CTIF: variants seen among roughly 807,000 people sequenced by gnomAD.
The protein encoded by CTIF is CBP80/20-dependent translation initiation factor.
A neutral mutation model predicts 66.0 loss-of-function variants in CTIF; 21 were observed. That is an observed-to-expected ratio of 0.32 (90% CI 0.23 to 0.46). The LOEUF (loss-of-function observed/expected upper bound fraction) is 0.46. CTIF is among the 20% of genes least tolerant of loss of function. The probability of loss-of-function intolerance (pLI) is 1.00; values close to 1 mark genes in which losing one functional copy is unlikely to be tolerated. For synonymous variants in CTIF, 345 were observed against 326.4 expected (o/e 1.06, Z -0.62); for missense variants, 739 against 812.7 (o/e 0.91, Z 1.10).
rs879275559 is a variant in CTIF at position 48,862,019 on chromosome 18, C to A, written c.*2460C>A. ...TTTTTCTAAATGCAGGTTGCTGCTC[C>A]TTTTTCAGATATGGAAGGAAAACGT... On this transcript the variant is annotated 3_prime_UTR_variant, in exon 12 of 12. Transcript: ENST00000256413. The A allele has an allele frequency of 1.1e-4, 17 of 152,004 alleles. No individual in the cohort carries two copies. Among genetic ancestry groups the A allele is most frequent in the Admixed American group, 1.1e-3 (17 of 15,270 alleles). The allele number at this position is 152,004 out of a possible 1,614,324, so 9.4% of individuals were successfully genotyped here. A position where few individuals can be genotyped will look rare whatever the true frequency, so the allele number is the denominator to read the frequency against.
intron 7 of CTIF, among the ~76,000 whole-genome samples, chr18:48,719,031 C>T (rs2092308524): frequency 6.6e-6 from 1 of 152,190 alleles, no homozygotes. Flanking sequence ...GGTCTGCTTT[C>T]TTTTTGCCAC....
At chr18:48,574,388 T>A (rs1186717707) in intron 1 of CTIF, among the ~76,000 whole-genome samples, 1 of 152,244 alleles carries the variant, frequency 6.6e-6, no homozygotes, top group East Asian at 1.9e-4. Context: ...TAAAAACGAG[T>A]GCATAATATT....
At chr18:48,698,716 C>G (rs920883524) in intron 6 of CTIF, among the ~76,000 whole-genome samples, 7 of 152,196 alleles carry the variant, frequency 4.6e-5, no homozygotes, top group Non-Finnish European at 7.3e-5. Flanking sequence ...TCACCTGTCC[C>G]TTTCTTAGGG....
At chr18:48,609,064 CTGG>C (rs1443841734) in intron 1 of CTIF, among the ~76,000 whole-genome samples, 1 of 152,194 alleles carries the variant, frequency 6.6e-6, no homozygotes, top group Non-Finnish European at 1.5e-5. Context: ...CTTTTGACAG[CTGG>C]TGGTGGGGCT....
In CTIF at chr18:48,859,476, G is replaced by A. The variant is rs1282053607; in HGVS notation, c.1714G>A (p.Glu572Lys). The change falls in exon 12 of 12, where the codon GAG becomes AAG. Residue 572 changes from glutamate (E) to lysine (K), a missense_variant. Transcript: ENST00000256413. Reference sequence around the variant, plus strand: ...CCGGTCGCTGCTCCTAGAGGTCATCGAGCTCCACGCTAACAGCTGGAACCC... The same window carrying A: ...CCGGTCGCTGCTCCTAGAGGTCATCAAGCTCCACGCTAACAGCTGGAACCC... ...LTRSLLLEVIELHANSWNPLT... is the reference protein window; with the variant it reads ...LTRSLLLEVIKLHANSWNPLT... 2 of 1,614,036 alleles carry A rather than the reference G, an allele frequency of 1.2e-6. No homozygotes were observed. The highest frequency in any genetic ancestry group is 3.3e-5 in the Admixed American group (2 of 60,002).
intron 7 of CTIF, among the ~76,000 whole-genome samples, chr18:48,754,366 G>A (rs754165783): frequency 1.1e-4 from 17 of 152,124 alleles, no homozygotes; most frequent in African/African-American, 3.1e-4. Context: ...TGCACCTCAC[G>A]GAGCCTCGGT....
intron 10 of CTIF, among the ~76,000 whole-genome samples, chr18:48,838,733 A>C (rs2068869062): frequency 6.6e-6 from 1 of 152,188 alleles, no homozygotes; most frequent in African/African-American, 2.4e-5. Flanking sequence ...TGGCCCCTTA[A>C]CCAGAAGCAT....
intron 6 of CTIF, among the ~76,000 whole-genome samples, chr18:48,696,319 C>T (rs997450408): frequency 3.3e-5 from 5 of 152,180 alleles, no homozygotes; most frequent in African/African-American, 1.2e-4. Flanking sequence ...GAGCCTGTGT[C>T]TTCTATAACC....
intron 6 of CTIF, among the ~76,000 whole-genome samples, chr18:48,698,058 A>G (rs2092031301): frequency 8.2e-6 from 1 of 122,604 alleles, no homozygotes; most frequent in South Asian, 2.9e-4. Flanking sequence ...GCAACTCTCT[A>G]CTCCTCCCTC....
chr18:48,760,887 C>A (rs768469641), intron 8 of CTIF: 24 of 154,952 alleles, frequency 1.5e-4, no homozygotes, highest in Non-Finnish European at 2.7e-4. Context: ...GCCCAGAGAA[C>A]AAGTCATCAT....
intron 7 of CTIF, among the ~76,000 whole-genome samples, chr18:48,730,898 T>C (rs569702352): frequency 6.6e-6 from 1 of 152,170 alleles, no homozygotes; most frequent in East Asian, 1.9e-4. Context: ...CAGTGGACCA[T>C]GCTGCTCTAG....
At chr18:48,728,962 C>A (rs188462107) in intron 7 of CTIF, among the ~76,000 whole-genome samples, 1 of 152,194 alleles carries the variant, frequency 6.6e-6, no homozygotes, top group East Asian at 1.9e-4. Context: ...ATTGCTTTTT[C>A]CCCCCACTTT....
intron 10 of CTIF, among the ~76,000 whole-genome samples, chr18:48,852,956 CAG>C (rs1432971829): frequency 1.3e-5 from 2 of 152,126 alleles, no homozygotes; most frequent in Admixed American, 6.5e-5. Context: ...CTTCTGGTGA[CAG>C]GGGTATGGGG....
chr18:48,821,646 A>G (rs954430200), intron 10 of CTIF, among the ~76,000 whole-genome samples: 2 of 152,238 alleles, frequency 1.3e-5, no homozygotes, highest in Non-Finnish European at 2.9e-5. Context: ...AGAATTTTCA[A>G]TGTGTGCTTT....
At chr18:48,671,837 C>T (rs976304519) in intron 6 of CTIF, among the ~76,000 whole-genome samples, 2 of 149,132 alleles carry the variant, frequency 1.3e-5, no homozygotes, top group Non-Finnish European at 3.0e-5. Context: ...CTCTGTGTTT[C>T]ATTTTGGATA....
At chr18:48,780,793 C>T (rs1911132441) in intron 9 of CTIF, among the ~76,000 whole-genome samples, 1 of 152,204 alleles carries the variant, frequency 6.6e-6, no homozygotes, top group Non-Finnish European at 1.5e-5. Context: ...GAGGCCATTT[C>T]AGCATGACCA....
At chr18:48,596,359 A>G (rs572961302) in intron 1 of CTIF, among the ~76,000 whole-genome samples, 4 of 152,362 alleles carry the variant, frequency 2.6e-5, no homozygotes, top group African/African-American at 9.6e-5. Context: ...TCATGGCCCA[A>G]GAGAGTTGCT....
intron 7 of CTIF, among the ~76,000 whole-genome samples, chr18:48,755,398 G>A (rs1356081460): frequency 6.6e-6 from 1 of 152,178 alleles, no homozygotes; most frequent in African/African-American, 2.4e-5. Context: ...AATGAGGGCT[G>A]CAGCCCTCCC....
intron 1 of CTIF, among the ~76,000 whole-genome samples, chr18:48,546,593 C>T (rs532003756): frequency 9.2e-5 from 14 of 152,214 alleles, no homozygotes; most frequent in Non-Finnish European, 1.5e-4. Flanking sequence ...GCAGTGTGGA[C>T]GGTGAGCTCC....
Sources: allele counts gnomAD v4.1 joint callset (sites outside exome capture counted in the v4.1 genomes callset), GRCh38; gene constraint gnomAD v4.1.1; transcripts MANE v1.5; gene names NCBI Gene and HGNC (gene_info 2026-07-23, HGNC 2026-07-21).